Variants in KANK3 observed in about 807,000 individuals in gnomAD.
KANK3 encodes KN motif and ankyrin repeat domains 3.
In KANK3, 61 loss-of-function variants were observed where a neutral mutation model predicts 65.4. The ratio of observed to expected loss-of-function variants is 0.93; its 90% CI spans 0.76 to 1.15. The LOEUF (loss-of-function observed/expected upper bound fraction) is 1.15. Among genes scored for constraint, KANK3 ranks in the 50% most tolerant of loss-of-function variants. KANK3 has a pLI of 0.00. For synonymous variants in KANK3, 586 were observed against 543.3 expected (o/e 1.08, Z -1.09); for missense variants, 1,187 against 1,178.8 (o/e 1.01, Z -0.10).
In KANK3 at chr19:8,322,933, G is replaced by A. The variant is rs771642880; in HGVS notation, c.2383-11C>T. On this transcript the variant is annotated splice_polypyrimidine_tract_variant and intron_variant, in intron 10 of 10. Coordinates refer to ENST00000330915, the MANE Select transcript of KANK3 (RefSeq NM_198471.3). ...AGGGGGTGACTCGCTCTGGAGAGAG[G>A]GGAAAAGAGGGGGGCCTGCTGCAAT... 1 of 1,417,412 alleles carries A rather than the reference G, an allele frequency of 7.1e-7. No individual in the cohort carries two copies. The highest frequency in any genetic ancestry group is 2.4e-5 in the Admixed American group (1 of 41,620). The allele number at this position is 1,417,412 out of a possible 1,614,324, so 87.8% of individuals were successfully genotyped here. A position where few individuals can be genotyped will look rare whatever the true frequency, so the allele number is the denominator to read the frequency against.
At position 8,325,045 on chromosome 19, in the gene KANK3, AGCATGAGG is replaced by A; in HGVS notation, c.1980_1987del (p.Leu661GlyfsTer24). The A allele has an allele frequency of 6.2e-7, 1 of 1,613,980 alleles. No individual in the cohort carries two copies. The highest frequency in any genetic ancestry group is 1.3e-5 in the African/African-American group (1 of 75,056). ...CTGCCTCACAGAGGTGAGTGCAGCC[AGCATGAGG>A]GCCGAGTAGCCGGCTCGGTTCTGGC... On this transcript the variant is annotated frameshift_variant, in exon 8 of 11. Coordinates refer to ENST00000330915, the MANE Select transcript of KANK3 (RefSeq NM_198471.3). LOFTEE classifies it high-confidence loss of function.
At position 8,335,623 on chromosome 19, in the gene KANK3, C is replaced by T; in HGVS notation, c.204G>A (p.Pro68=). The T allele has an allele frequency of 8.1e-7, 1 of 1,241,238 alleles. No homozygotes were observed. The highest frequency in any genetic ancestry group is 1.0e-6 in the Non-Finnish European group (1 of 989,834). The allele number at this position is 1,241,238 out of a possible 1,614,324, so 76.9% of individuals were successfully genotyped here. The change falls in exon 3 of 11, where the codon CCG becomes CCA. Residue 68 remains proline, a synonymous_variant. Transcript: ENST00000330915. ...GGGGCGCGCGGGGACGGCGCGAGGT[C>T]GGGGGTCCCGGGGCGCGGCGGGCAG... ...GPAARRAPGP[P]TSRRPRAPRP...
Position 8,324,617 on chromosome 19 carries a change from TGTGGG to T in KANK3, c.2283+8_2283+12del. On this transcript the variant is annotated splice_region_variant and intron_variant, in intron 9 of 10. Coordinates refer to ENST00000330915, the MANE Select transcript of KANK3 (RefSeq NM_198471.3). ...GCACCCCCCAAGATGCCAGCCCCAT[TGTGGG>T]GTCTTACATTGTCCAGGATGGCAGG... is the stretch of plus-strand genomic sequence containing the variant. 6.2e-7 allele frequency: 1 copy of T among 1,613,414 alleles called. No homozygotes were observed. Among genetic ancestry groups the T allele is most frequent in the African/African-American group, 1.3e-5 (1 of 75,046 alleles).
In KANK3 at chr19:8,334,361, G is replaced by C. The variant is rs151045287; in HGVS notation, c.1386C>G (p.Ser462=). 65 of 1,614,020 alleles carry C rather than the reference G, an allele frequency of 4.0e-5. No homozygotes were observed. The highest frequency in any genetic ancestry group is 5.2e-5 in the Non-Finnish European group (61 of 1,180,030). The change falls in exon 4 of 11, where the codon TCC becomes TCG. Residue 462 remains serine (S), a synonymous_variant. Transcript: ENST00000330915. ...CAACAAACTGCAGGCTCTTGGGTCC[G>C]GAGCTGGGTTGGGCACCAGGTGTGC... is the stretch of plus-strand genomic sequence containing the variant. ...RDGTPGAQPS[S]GPKSLQFVGV...
At chr19:8,339,009 G>A (rs376383124) in intron 1 of KANK3, among the ~76,000 whole-genome samples, 16 of 152,104 alleles carry the variant, frequency 1.1e-4, no homozygotes, top group African/African-American at 3.4e-4. Flanking sequence ...ACAAATCAAC[G>A]GATACTTGTC....
Position 8,333,264 on chromosome 19 carries a change from A to T in KANK3, c.1720-34T>A. On this transcript the variant is annotated intron_variant, in intron 6 of 10. Transcript: ENST00000330915. This position sits in a 1 kb window ranked among gnomAD's most constrained non-coding sequence, Gnocchi z 5.0. ...GACAGGGGCCAAGATAACATCGGCGATGGTCCACGGCGGCGCCGTGGTGGG... is the reference window on the plus strand; with the variant it reads ...GACAGGGGCCAAGATAACATCGGCGTTGGTCCACGGCGGCGCCGTGGTGGG... 1 of 1,538,040 alleles carries T rather than the reference A, an allele frequency of 6.5e-7. No homozygotes were observed. Among genetic ancestry groups the T allele is most frequent in the Non-Finnish European group, 8.9e-7 (1 of 1,124,904 alleles).
Position 8,334,390 on chromosome 19 carries a change from C to A in KANK3, c.1357G>T (p.Asp453Tyr). 6.2e-7 allele frequency: 1 copy of A among 1,614,124 alleles called. No homozygotes were observed. Among genetic ancestry groups the A allele is most frequent in the Non-Finnish European group, 8.5e-7 (1 of 1,180,016 alleles). ...CTGGGTTGGGCACCAGGTGTGCCGT[C>A]TCTCTTCTTCATGATGGATTTGAGG... ...GILKSIMKKR[D>Y]GTPGAQPSSG... Residue 453 changes from aspartate (D) to tyrosine (Y), a missense_variant, in exon 4 of 11, where the codon GAC (aspartate) becomes TAC (tyrosine). By Grantham distance (160) the Asp-to-Tyr change is radical. Coordinates refer to ENST00000330915, the MANE Select transcript of KANK3 (RefSeq NM_198471.3).
At chr19:8,331,980 C>CTTTTTTT (rs1166441751) in intron 7 of KANK3, among the ~76,000 whole-genome samples, 1 of 67,892 alleles carries the variant, frequency 1.5e-5, no homozygotes, top group Non-Finnish European at 2.6e-5. Context: ...CAAAAGGCCT[C>CTTTTTTT]TTTTTTTTTT....
chr19:8,327,395 G>C (rs34377224), intron 7 of KANK3, among the ~76,000 whole-genome samples: 21,468 of 152,022 alleles, frequency 0.14, 1,696 homozygotes, highest in Middle Eastern at 0.22. Flanking sequence ...ACTTTGGGAG[G>C]CCAAGGCAGG....
chr19:8,329,539 G>C (rs1050392814), intron 7 of KANK3, among the ~76,000 whole-genome samples: 1 of 147,300 alleles, frequency 6.8e-6, no homozygotes, highest in Admixed American at 6.8e-5. Context: ...AGAATGCTCT[G>C]GAAATGCAAT....
At chr19:8,332,987 T>TGGGGCCCCCC in intron 7 of KANK3, 27 bp downstream of exon 7, 8 of 395,188 alleles carry the variant, frequency 2.0e-5, no homozygotes, top group Non-Finnish European at 2.9e-5. Flanking sequence ...TTTCCTGGTG[T>TGGGGCCCCCC]CCCACCCACC....
chr19:8,337,652 G>T, intron 2 of KANK3, 143 bp downstream of exon 2: 4 of 978,594 alleles, frequency 4.1e-6, no homozygotes, highest in African/African-American at 1.6e-5. Flanking sequence ...GGCCATGATT[G>T]ATGCCATAGG....
chr19:8,324,594 A>G (rs369325105), intron 9 of KANK3, 36 bp downstream of exon 9: 1 of 1,612,342 alleles, frequency 6.2e-7, no homozygotes, highest in African/African-American at 1.3e-5. Flanking sequence ...AGCCATGGGC[A>G]CCCCCCAAGA....
chr19:8,324,912 G>C (rs2145411836), intron 8 of KANK3, 39 bp downstream of exon 8: 2 of 1,606,400 alleles, frequency 1.2e-6, no homozygotes, highest in Admixed American at 1.7e-5. Flanking sequence ...AAGTGGAAGT[G>C]ACTCCTGGCT....
In KANK3 at chr19:8,324,804, G is replaced by GTGACA; in HGVS notation, c.2108_2109insTGTCA (p.Ile704ValfsTer21). ...CCATGTCCTGTCGGCCATGGCTGAT[G>GTGACA]GCCAGCATGAGGGCTGTCTGCCCCG... On this transcript the variant is annotated frameshift_variant, in exon 9 of 11. Transcript: ENST00000330915. LOFTEE classifies it high-confidence loss of function. 1 of 1,613,152 alleles carries GTGACA rather than the reference G, an allele frequency of 6.2e-7. No individual in the cohort carries two copies. The highest frequency in any genetic ancestry group is 1.3e-5 in the African/African-American group (1 of 75,064).
In KANK3 at chr19:8,332,994, C is replaced by A. The variant is rs768261719; in HGVS notation, c.1936+20G>T. 5.1e-6 allele frequency: 3 copies of A among 585,744 alleles called. No individual in the cohort carries two copies. The highest frequency in any genetic ancestry group is 3.3e-5 in the South Asian group (2 of 60,936). The allele number at this position is 585,744 out of a possible 1,614,324, so 36.3% of individuals were successfully genotyped here. On this transcript the variant is annotated intron_variant, in intron 7 of 10. Transcript: ENST00000330915. ...CCCACCCATTTCCTGGTGTCCCACC[C>A]ACCCTCCCTTGGCTCTGACCCGTAT...
At chr19:8,334,217 T>G in intron 4 of KANK3, 101 bp from the exon 5 acceptor site, 2 of 1,532,320 alleles carry the variant, frequency 1.3e-6, no homozygotes. Context: ...ATGAGGAAAC[T>G]GAGGATTGCC....
Position 8,334,655 on chromosome 19 carries a change from G to A in KANK3, c.1172C>T (p.Ala391Val). 6.5e-7 allele frequency: 1 copy of A among 1,541,150 alleles called. No individual in the cohort carries two copies. The highest frequency in any genetic ancestry group is 1.9e-5 in the Admixed American group (1 of 51,478). Residue 391 changes from alanine to valine, a missense_variant, in exon 3 of 11, where the codon GCG becomes GTG. By Grantham distance (64) the Ala-to-Val change is moderately conservative. Coordinates refer to ENST00000330915, the MANE Select transcript of KANK3 (RefSeq NM_198471.3). ...EAREAAEEAAAGARAQLREAT... is the reference protein window; with the variant it reads ...EAREAAEEAAVGARAQLREAT... ...CTCGCGTAGCTGGGCCCGGGCCCCC[G>A]CCGCTGCCTCCTCCGCAGCCTCGCG...
At chr19:8,324,929 C>A in intron 8 of KANK3, 22 bp downstream of exon 8, 2 of 1,609,940 alleles carry the variant, frequency 1.2e-6, no homozygotes, top group Non-Finnish European at 1.7e-6. Context: ...GGCTGAGAGC[C>A]ACAGTGGGGG....
Sources: gnomAD v4.1 joint callset for allele counts (sites outside exome capture counted in the v4.1 genomes callset) on GRCh38, gnomAD v4.1.1 for gene constraint, Gnocchi (gnomAD v3.1) non-coding constraint, MANE v1.5 for transcripts, NCBI Gene and HGNC (gene_info 2026-07-23, HGNC 2026-07-21) for gene names.